The following NXNL2 variants were observed in gnomAD, a reference collection of about 807,000 sequenced individuals.
NXNL2 encodes nucleoredoxin-like protein 2.
A neutral mutation model predicts 11.1 loss-of-function variants in NXNL2; 7 were observed. That is an observed-to-expected ratio of 0.63 (90% CI 0.36 to 1.18). The LOEUF (loss-of-function observed/expected upper bound fraction) is 1.18. Among genes scored for constraint, NXNL2 ranks in the 50% most tolerant of loss-of-function variants. The pLI, the probability that NXNL2 is intolerant of heterozygous loss-of-function variation, is 0.02. For synonymous variants in NXNL2, 109 were observed against 101.8 expected, an observed-to-expected ratio of 1.07 and a Z score of -0.42; for missense variants, 233 against 217.7, an observed-to-expected ratio of 1.07 and a Z score of -0.44.
At chr9:88,546,397 C>A (rs1829846628), downstream of NXNL2, among the ~76,000 whole-genome samples, 1 of 149,714 alleles carries the variant, frequency 6.7e-6, no homozygotes, top group Non-Finnish European at 1.5e-5. Context: ...ACCATTATTA[C>A]TCCCTGAAGA....
rs1212523466 is a variant in NXNL2 at position 88,563,988 on chromosome 9, A to T, written c.303-7099A>T. The stretch of plus-strand genomic sequence containing the variant: ...CACTTTGGGAGGCCAAAGTGGGTGG[A>T]TCACTTAAGGTCAGGAGTTTGAGAC... On this transcript the variant is annotated intron_variant, in intron 1 of 2. Coordinates refer to the NXNL2 transcript ENST00000375855. Among the ~76,000 whole-genome samples the T allele has an allele frequency of 4.0e-5, 6 of 151,886 alleles. 1 individual carries two copies. Among genetic ancestry groups the T allele is most frequent in the Admixed American group, 3.9e-4 (6 of 15,232 alleles).
At chr9:88,546,148 C>CGTGTGTGTGTGT (rs747134247), downstream of NXNL2, among the ~76,000 whole-genome samples, 1,860 of 147,458 alleles carry the variant, frequency 0.013, 41 homozygotes, top group African/African-American at 0.04. Flanking sequence ...ACTGAGTGTT[C>CGTGTGTGTGTGT]GTGTGTGTGT....
At chr9:88,568,925 C>T (rs1830218690) in intron 1 of NXNL2, among the ~76,000 whole-genome samples, 1 of 151,044 alleles carries the variant, frequency 6.6e-6, no homozygotes, top group African/African-American at 2.5e-5. Flanking sequence ...TTTTACATCT[C>T]TTGATGAATT....
intron 2 of NXNL2, chr9:88,575,068 C>G: frequency 4.5e-6 from 4 of 886,176 alleles, no homozygotes; most frequent in Non-Finnish European, 5.4e-6. Flanking sequence ...CTCACCCTCC[C>G]CTTCTTATTC....
chr9:88,550,460 C>T (rs747189997), intron 1 of NXNL2, among the ~76,000 whole-genome samples: 3 of 152,140 alleles, frequency 2.0e-5, no homozygotes, highest in Non-Finnish European at 4.4e-5. Context: ...AATTTAATGG[C>T]TTACATGTAA....
rs1034212619 is a variant in NXNL2, at chr9:88,544,521, G to A, written c.445G>A (p.Asp149Asn). The A allele has an allele frequency of 8.4e-6, 13 of 1,544,046 alleles. No individual in the cohort carries two copies. Among genetic ancestry groups the A allele is most frequent in the South Asian group, 7.3e-5 (6 of 82,554 alleles). Reference protein sequence around the residue: ...ACFQDWVEAADIFQNFSV With the variant: ...ACFQDWVEAANIFQNFSV ...CTTCCAGGACTGGGTGGAGGCGGCC[G>A]ATATCTTCCAGAATTTCTCCGTTTG... Residue 149 changes from aspartate to asparagine, a missense_variant, in exon 2 of 2, where the codon GAT becomes AAT. Coordinates refer to ENST00000375854, the MANE Select transcript of NXNL2 (RefSeq NM_001161625.2).
exon 3 of NXNL2, chr9:88,575,444 A>G (rs1467626675): frequency 6.6e-6 from 1 of 152,230 alleles, no homozygotes; most frequent in Non-Finnish European, 1.5e-5. Context: ...AGATTCTGTC[A>G]TTTGCAATAA....
At chr9:88,544,094 G>T (rs546087875) in intron 1 of NXNL2, among the ~76,000 whole-genome samples, 4 of 152,096 alleles carry the variant, frequency 2.6e-5, no homozygotes, top group Non-Finnish European at 4.4e-5. Context: ...TCGCTTGAAC[G>T]TGGGAGGTGG....
At chr9:88,551,553 G>A (rs1829932433) in intron 1 of NXNL2, among the ~76,000 whole-genome samples, 1 of 151,960 alleles carries the variant, frequency 6.6e-6, no homozygotes, top group African/African-American at 2.4e-5. Flanking sequence ...TTCCATGAAA[G>A]CAGTATCTCC....
At chr9:88,552,473 G>GTTTTTTTTTTTTTTTTT (rs59133640) in intron 1 of NXNL2, among the ~76,000 whole-genome samples, 2 of 131,568 alleles carry the variant, frequency 1.5e-5, no homozygotes, top group Middle Eastern at 4.1e-3. Flanking sequence ...AAACATGCAT[G>GTTTTTTTTTTTTTTTTT]TTTTTTTTTT....
At chr9:88,559,419 G>A (rs1278600113) in intron 1 of NXNL2, among the ~76,000 whole-genome samples, 1 of 152,168 alleles carries the variant, frequency 6.6e-6, no homozygotes, top group Non-Finnish European at 1.5e-5. Context: ...TCAGAGCTTT[G>A]CCCCCTACAA....
At chr9:88,545,015 C>T (rs988498126), downstream of NXNL2, 6 of 441,404 alleles carry the variant, frequency 1.4e-5, no homozygotes, top group East Asian at 3.1e-4. Context: ...ATTCCAGGTG[C>T]CAGTAGGAAG....
At chr9:88,546,349 T>C (rs1168620083), downstream of NXNL2, among the ~76,000 whole-genome samples, 2 of 151,940 alleles carry the variant, frequency 1.3e-5, no homozygotes, top group Non-Finnish European at 1.5e-5. Flanking sequence ...GACATGGGCC[T>C]TCGTCACCTA....
chr9:88,552,049 A>T (rs1205012259), intron 1 of NXNL2, among the ~76,000 whole-genome samples: 1 of 152,116 alleles, frequency 6.6e-6, no homozygotes, highest in Non-Finnish European at 1.5e-5. Context: ...ACTCTTCCTT[A>T]TAGGTGCCTG....
At chr9:88,561,410 TTATC>T (rs1485434530) in intron 1 of NXNL2, among the ~76,000 whole-genome samples, 2 of 152,180 alleles carry the variant, frequency 1.3e-5, no homozygotes, top group African/African-American at 4.8e-5. Context: ...AAACTCCTCT[TTATC>T]TATCATCTAT....
downstream of NXNL2, among the ~76,000 whole-genome samples, chr9:88,577,303 G>T (rs939455612): frequency 2.0e-5 from 3 of 151,912 alleles, no homozygotes; most frequent in Admixed American, 6.6e-5. Flanking sequence ...GACTGGGCGG[G>T]GGGGGCGGCA....
chr9:88,577,713 A>G (rs1830364616), downstream of NXNL2, among the ~76,000 whole-genome samples: 1 of 152,108 alleles, frequency 6.6e-6, no homozygotes, highest in African/African-American at 2.4e-5. Flanking sequence ...GTCATATTGA[A>G]TCAGGGACTT....
intron 1 of NXNL2, among the ~76,000 whole-genome samples, chr9:88,565,110 G>C (rs987317970): frequency 6.6e-6 from 1 of 152,198 alleles, no homozygotes. Context: ...GAATCATGCA[G>C]TATTTGTCCT....
At chr9:88,562,958 C>T (rs945350637) in intron 1 of NXNL2, among the ~76,000 whole-genome samples, 1 of 150,710 alleles carries the variant, frequency 6.6e-6, no homozygotes, top group Non-Finnish European at 1.5e-5. Context: ...CGTGGTGGCA[C>T]ACACCTGTAG....
Sources: allele counts gnomAD v4.1 joint callset (sites outside exome capture counted in the v4.1 genomes callset), GRCh38; gene constraint gnomAD v4.1.1; transcripts MANE v1.5; gene names NCBI Gene and HGNC (gene_info 2026-07-23, HGNC 2026-07-21).